CNTNAP4: variants seen among roughly 807,000 people sequenced by gnomAD.
The protein encoded by CNTNAP4 is contactin-associated protein-like 4.
CNTNAP4 carries 98 observed loss-of-function variants against 148.4 expected under a neutral mutation model. The ratio of observed to expected loss-of-function variants is 0.66; its 90% confidence interval spans 0.56 to 0.78. CNTNAP4 has a LOEUF of 0.78. Among genes scored for constraint, CNTNAP4 ranks in the 30% least tolerant of loss-of-function variants. The pLI, the probability that CNTNAP4 is intolerant of heterozygous loss-of-function variation, is 0.00. For synonymous variants in CNTNAP4, 730 were observed against 565.1 expected, an observed-to-expected ratio of 1.29 and a Z score of -4.14; for missense variants, 1,935 against 1,565.6, an observed-to-expected ratio of 1.24 and a Z score of -3.98.
intron 2 of CNTNAP4, among the ~76,000 whole-genome samples, chr16:76,328,251 C>G (rs1413998931): frequency 6.6e-6 from 1 of 152,018 alleles, no homozygotes; most frequent in African/African-American, 2.4e-5. Flanking sequence ...TAGTATGTAC[C>G]CTTGATTTGA....
At chr16:76,364,991 G>T (rs1379248107) in intron 3 of CNTNAP4, among the ~76,000 whole-genome samples, 4 of 152,026 alleles carry the variant, frequency 2.6e-5, no homozygotes, top group Admixed American at 2.6e-4. Context: ...TTTCTTCTAG[G>T]GTTTTTATGG....
At position 76,553,762 on chromosome 16, in the gene CNTNAP4, A is replaced by G. The variant is rs1050897783; in HGVS notation, c.3662-74A>G. 16 of 951,232 alleles carry G rather than the reference A, an allele frequency of 1.7e-5. 1 individual carries two copies. Among genetic ancestry groups the G allele is most frequent in the South Asian group, 1.3e-4 (9 of 67,212 alleles). 58.9% of individuals were successfully genotyped at this position (951,232 alleles called of 1,614,324 possible). A position where few individuals can be genotyped will look rare whatever the true frequency, so the allele number is the denominator to read the frequency against. ...TCCATAATTCTCTGTGGTTTAAAACATTTATGATGTTTTCAAAATTTCTTC... is the reference window on the plus strand; with the variant it reads ...TCCATAATTCTCTGTGGTTTAAAACGTTTATGATGTTTTCAAAATTTCTTC... On this transcript the variant is annotated intron_variant, in intron 22 of 23. Transcript: ENST00000611870.
At chr16:76,488,833 CATT>C (rs2082114638) in intron 12 of CNTNAP4, among the ~76,000 whole-genome samples, 1 of 152,122 alleles carries the variant, frequency 6.6e-6, no homozygotes, top group Admixed American at 6.5e-5. Context: ...CTGTTACAAA[CATT>C]GTGAGATTTT....
At chr16:76,430,628 C>T (rs2079572370) in intron 4 of CNTNAP4, among the ~76,000 whole-genome samples, 1 of 152,040 alleles carries the variant, frequency 6.6e-6, no homozygotes, top group South Asian at 2.1e-4. Flanking sequence ...TTCCCCTGAG[C>T]TTGAGGAAGG....
chr16:76,551,289 T>G (rs2144386793), intron 21 of CNTNAP4, among the ~76,000 whole-genome samples: 1 of 151,892 alleles, frequency 6.6e-6, no homozygotes. Context: ...TCCCAGCTAC[T>G]CGGGAGGCTG....
intron 11 of CNTNAP4, among the ~76,000 whole-genome samples, chr16:76,478,390 A>G (rs1041228255): frequency 6.6e-6 from 1 of 152,232 alleles, no homozygotes; most frequent in African/African-American, 2.4e-5. Flanking sequence ...TATCAGCATG[A>G]TATATTATAG....
At chr16:76,389,622 TTTTTTTC>T in intron 3 of CNTNAP4, among the ~76,000 whole-genome samples, 1 of 152,166 alleles carries the variant, frequency 6.6e-6, no homozygotes, top group East Asian at 1.9e-4. Context: ...CCCAACTATT[TTTTTTTC>T]TTTTTTCTTT....
chr16:76,342,002 TTC>T (rs1266668101), intron 2 of CNTNAP4, among the ~76,000 whole-genome samples: 5 of 152,194 alleles, frequency 3.3e-5, no homozygotes, highest in Non-Finnish European at 5.9e-5. Context: ...CTGATGAGTT[TTC>T]TCTCAGTTCA....
At position 76,461,975 on chromosome 16, in the gene CNTNAP4, G is replaced by T; in HGVS notation, c.1353G>T (p.Gly451=). 1 of 1,613,734 alleles carries T rather than the reference G, an allele frequency of 6.2e-7. No homozygotes were observed. Among genetic ancestry groups the T allele is most frequent in the South Asian group, 1.1e-5 (1 of 91,072 alleles). Residue 451 remains glycine, a synonymous_variant, in exon 9 of 24, where the codon GGG becomes GGT. Coordinates refer to ENST00000611870, the MANE Select transcript of CNTNAP4 (RefSeq NM_033401.5). ...DITAGVELND[G]QWHSVSLSAK... The stretch of plus-strand genomic sequence containing the variant: ...CCCTAGGTGTCGAATTAAATGATGG[G>T]CAGTGGCATTCTGTCTCTTTATCTG...
rs868074452 is a variant in CNTNAP4 at position 76,460,771 on chromosome 16, A to T, written c.1334-1185A>T. On this transcript the variant is annotated intron_variant, in intron 8 of 23. Coordinates refer to ENST00000611870, the MANE Select transcript of CNTNAP4 (RefSeq NM_033401.5). ...CATGTCTCAAAAAAAAAAAAAAAAAAAAATATATATATATATATATATATT... is the reference window on the plus strand; with the variant it reads ...CATGTCTCAAAAAAAAAAAAAAAAATAAATATATATATATATATATATATT... 3.6e-3 allele frequency among the ~76,000 whole-genome samples: 122 copies of T among 33,622 alleles called. 6 individuals carry two copies. The highest frequency in any genetic ancestry group is 0.027 in the Admixed American group (93 of 3,402). The allele number at this position is 33,622 out of a possible 152,430, so 22.1% of individuals were successfully genotyped here.
chr16:76,309,807 A>G (rs1445566348), intron 1 of CNTNAP4: 1 of 699,424 alleles, frequency 1.4e-6, no homozygotes, highest in Non-Finnish European at 2.6e-6. Flanking sequence ...AGTAAGTGTC[A>G]TGAGATCTGA....
At chr16:76,332,987 G>A (rs1311614070) in intron 2 of CNTNAP4, among the ~76,000 whole-genome samples, 2 of 152,206 alleles carry the variant, frequency 1.3e-5, no homozygotes, top group Admixed American at 1.3e-4. Flanking sequence ...CATTCCCAGA[G>A]TTTTGGGAAT....
At chr16:76,302,430 C>T (rs912676099) in intron 1 of CNTNAP4, among the ~76,000 whole-genome samples, 2 of 152,034 alleles carry the variant, frequency 1.3e-5, no homozygotes, top group South Asian at 2.1e-4. Flanking sequence ...GGGCCATTTT[C>T]GGGTCCTAGA....
At chr16:76,464,189 G>A (rs2081090895) in intron 9 of CNTNAP4, among the ~76,000 whole-genome samples, 1 of 152,192 alleles carries the variant, frequency 6.6e-6, no homozygotes, top group Non-Finnish European at 1.5e-5. Flanking sequence ...AGCCCACTTA[G>A]GGGTTTTGGG....
intron 4 of CNTNAP4, among the ~76,000 whole-genome samples, chr16:76,446,599 G>C (rs887027952): frequency 2.6e-5 from 4 of 152,098 alleles, no homozygotes; most frequent in African/African-American, 7.2e-5. Flanking sequence ...AAAAAAACAT[G>C]TCAATGTCAC....
intron 1 of CNTNAP4, among the ~76,000 whole-genome samples, chr16:76,300,443 A>C (rs532428630): frequency 7.2e-5 from 11 of 152,062 alleles, no homozygotes; most frequent in African/African-American, 2.4e-4. Flanking sequence ...AGAAATACCT[A>C]ATGTAGATGA....
At chr16:76,451,763 G>A (rs775647986) in intron 7 of CNTNAP4, among the ~76,000 whole-genome samples, 1 of 151,902 alleles carries the variant, frequency 6.6e-6, no homozygotes, top group Non-Finnish European at 1.5e-5. Context: ...GCAGGTTAAT[G>A]GGTACAAAAA....
Position 76,405,040 on chromosome 16 carries a change from T to C in CNTNAP4, c.391-22412T>C, listed in dbSNP as rs971839555. Among the ~76,000 whole-genome samples the C allele has an allele frequency of 1.4e-4, 21 of 152,250 alleles. No individual in the cohort carries two copies. In the South Asian group the frequency reaches 3.5e-3, roughly 26 times the overall value. ...AAAATAGATAAATTCAAAAAACTTA[T>C]GACAAATGTATGATAAATGCATGTA... On this transcript the variant is annotated intron_variant, in intron 3 of 23. Coordinates refer to ENST00000611870, the MANE Select transcript of CNTNAP4 (RefSeq NM_033401.5).
chr16:76,362,616 A>G (rs1014222547), intron 3 of CNTNAP4, among the ~76,000 whole-genome samples: 1 of 152,246 alleles, frequency 6.6e-6, no homozygotes, highest in Non-Finnish European at 1.5e-5. Context: ...TCTATGGTCT[A>G]CTGATCTTTC....
Sources: allele counts gnomAD v4.1 joint callset (sites outside exome capture counted in the v4.1 genomes callset), GRCh38; gene constraint gnomAD v4.1.1; transcripts MANE v1.5; gene names NCBI Gene and HGNC (gene_info 2026-07-23, HGNC 2026-07-21).